The following BCAS3 variants were observed in gnomAD, a reference collection of about 807,000 sequenced individuals.
BCAS3 encodes BCAS3 microtubule associated cell migration factor, also known as BCAS4/BCAS3 fusion.
A neutral mutation model predicts 116.1 loss-of-function variants in BCAS3; 53 were observed. The observed-to-expected ratio is 0.46, with a 90% confidence interval of 0.37 to 0.57. The LOEUF is 0.57. Ranked by LOEUF, BCAS3 falls within the 20% of genes least tolerant of loss-of-function variation. The pLI is 0.00. For synonymous variants in BCAS3, 391 were observed against 408.2 expected (o/e 0.96, Z 0.51); for missense variants, 917 against 1,165.4 (o/e 0.79, Z 3.10).
chr17:60,837,652 C>CTT (rs371521233), intron 7 of BCAS3, among the ~76,000 whole-genome samples: 56 of 136,958 alleles, frequency 4.1e-4, no homozygotes, highest in Middle Eastern at 3.8e-3. Flanking sequence ...TTTCACAATA[C>CTT]TTTTTTTTTT....
chr17:61,371,850 C>T, intron 23 of BCAS3, among the ~76,000 whole-genome samples: 1 of 152,198 alleles, frequency 6.6e-6, no homozygotes, highest in Non-Finnish European at 1.5e-5. Context: ...GATCCCTGCG[C>T]ATGCTGAAGT....
intron 7 of BCAS3, among the ~76,000 whole-genome samples, chr17:60,866,868 TCC>T (rs1314489930): frequency 5.3e-5 from 8 of 152,152 alleles, no homozygotes; most frequent in Non-Finnish European, 4.4e-5. Context: ...TTTTATTGAT[TCC>T]CCCTTTGCTT....
At position 61,017,982 on chromosome 17, in the gene BCAS3, G is replaced by A. The variant is rs552270307; in HGVS notation, c.1637+2081G>A. ...ATTTTTGGAGCATGTATTCTGTTGC[G>A]TTATGAACAATTTATTAATAAGGGA... On this transcript the variant is annotated intron_variant, in intron 16 of 23. Transcript: ENST00000407086. The surrounding 1 kb of genome is among the most constrained non-coding windows in gnomAD (Gnocchi z 4.7). Among the ~76,000 whole-genome samples the A allele has an allele frequency of 7.2e-5, 11 of 152,180 alleles. No homozygotes were observed. The highest frequency in any genetic ancestry group is 3.4e-3 in the Middle Eastern group (1 of 294).
chr17:60,977,624 G>T (rs1268062461), intron 14 of BCAS3, among the ~76,000 whole-genome samples: 2 of 151,316 alleles, frequency 1.3e-5, no homozygotes, highest in Non-Finnish European at 2.9e-5. Context: ...CTAGCATTAG[G>T]TATATCTCCC....
chr17:60,868,596 G>T lies in BCAS3; in HGVS notation c.497G>T (p.Cys166Phe). 6.3e-7 allele frequency: 1 copy of T among 1,586,720 alleles called. No homozygotes were observed. Among genetic ancestry groups the T allele is most frequent in the Non-Finnish European group, 8.5e-7 (1 of 1,170,924 alleles). Reference protein sequence around the residue: ...GSSGTSPPYCCVDLYSLRTGE... With the variant: ...GSSGTSPPYCFVDLYSLRTGE... The stretch of plus-strand genomic sequence containing the variant: ...TTTAGCACAAGCCCACCGTACTGTT[G>T]TGTGGATCTGTATTCACTTCGTACT... The change falls in exon 8 of 24, where the codon TGT becomes TTT. Residue 166 changes from cysteine (C) to phenylalanine (F), a missense_variant. Physicochemically the swap from Cys to Phe is radical, Grantham distance 205. Transcript: ENST00000407086.
rs1381738280 is a variant in BCAS3 at position 61,028,697 on chromosome 17, G to A, written c.1638-5969G>A. Among the ~76,000 whole-genome samples, 3 of 151,802 alleles carry A rather than the reference G, an allele frequency of 2.0e-5. No homozygotes were observed. The highest frequency in any genetic ancestry group is 4.4e-5 in the Non-Finnish European group (3 of 67,790). ...CACTTGTCAACCAGAAATGATTTGA[G>A]GTTGAAACAAGATTAAAAGAGCCAG... On this transcript the variant is annotated intron_variant, in intron 16 of 23. Transcript: ENST00000407086. This position sits in a 1 kb window ranked among gnomAD's most constrained non-coding sequence, Gnocchi z 4.3.
At chr17:61,000,768 A>G (rs970597947) in intron 15 of BCAS3, among the ~76,000 whole-genome samples, 1 of 152,194 alleles carries the variant, frequency 6.6e-6, no homozygotes, top group Non-Finnish European at 1.5e-5. Flanking sequence ...ACTAGGCTCA[A>G]TGTTGATAAG....
intron 22 of BCAS3, among the ~76,000 whole-genome samples, chr17:61,340,597 G>T (rs185284069): frequency 3.9e-5 from 6 of 152,308 alleles, no homozygotes; most frequent in Admixed American, 3.9e-4. Context: ...TTAGCATGGT[G>T]TGCTTTCCTC....
At chr17:60,857,762 G>GTGAA (rs1191920443) in intron 7 of BCAS3, among the ~76,000 whole-genome samples, 1 of 152,170 alleles carries the variant, frequency 6.6e-6, no homozygotes, top group Non-Finnish European at 1.5e-5. Flanking sequence ...TGACTCCTTT[G>GTGAA]TGAATGTGTG....
At chr17:60,846,670 C>A (rs185515465) in intron 7 of BCAS3, among the ~76,000 whole-genome samples, 81 of 151,844 alleles carry the variant, frequency 5.3e-4, no homozygotes, top group African/African-American at 1.9e-3. Context: ...TGTATTGACC[C>A]TTCTATCTTT....
At position 61,021,344 on chromosome 17, in the gene BCAS3, G is replaced by A. The variant is rs1262900243; in HGVS notation, c.1637+5443G>A. 6.6e-6 allele frequency among the ~76,000 whole-genome samples: 1 copy of A among 152,168 alleles called. No individual in the cohort carries two copies. The highest frequency in any genetic ancestry group is 1.5e-5 in the Non-Finnish European group (1 of 68,024). On this transcript the variant is annotated intron_variant, in intron 16 of 23. Transcript: ENST00000407086. The surrounding 1 kb of genome is among the most constrained non-coding windows in gnomAD (Gnocchi z 4.6). ...CAAAGTGCTGGGATTATAGGCATGA[G>A]CAACCGCACCCGGCCATGTTTATTC...
intron 22 of BCAS3, among the ~76,000 whole-genome samples, chr17:61,125,702 T>C (rs1221579909): frequency 1.3e-5 from 2 of 152,182 alleles, no homozygotes; most frequent in Non-Finnish European, 2.9e-5. Context: ...ATTCCCAAGA[T>C]GGGAATGTAT....
At chr17:60,891,461 C>T (rs1013206367) in intron 10 of BCAS3, among the ~76,000 whole-genome samples, 2 of 152,168 alleles carry the variant, frequency 1.3e-5, no homozygotes, top group Non-Finnish European at 2.9e-5. Context: ...AGTCAAATGT[C>T]GTGCTTTCAT....
At position 61,285,874 on chromosome 17, in the gene BCAS3, T is replaced by C. The variant is rs62069622; in HGVS notation, c.2426-82453T>C. On this transcript the variant is annotated intron_variant, in intron 22 of 23. Coordinates refer to ENST00000407086, the MANE Select transcript of BCAS3 (RefSeq NM_017679.5). The surrounding 1 kb of genome is among the most constrained non-coding windows in gnomAD (Gnocchi z 5.4). ...ACTTTAGGCGAATCAGCTTTAGTCC[T>C]CTAAATTCTAAAGCTCTACCAATTT... Among the ~76,000 whole-genome samples the C allele has an allele frequency of 0.027, 4,183 of 152,290 alleles. 81 individuals carry two copies. Among genetic ancestry groups the C allele is most frequent in the Non-Finnish European group, 0.041 (2,813 of 68,026 alleles).
At chr17:61,115,984 C>G (rs949827096) in intron 22 of BCAS3, among the ~76,000 whole-genome samples, 1 of 150,108 alleles carries the variant, frequency 6.7e-6, no homozygotes, top group Non-Finnish European at 1.5e-5. Flanking sequence ...AGTAAACTAT[C>G]GCAAGAACAA....
intron 22 of BCAS3, among the ~76,000 whole-genome samples, chr17:61,295,903 C>G (rs1602486808): frequency 6.8e-6 from 1 of 146,102 alleles, no homozygotes; most frequent in African/African-American, 2.5e-5. Context: ...TGCAGTGAGC[C>G]AAGATTGTGC....
intron 22 of BCAS3, among the ~76,000 whole-genome samples, chr17:61,294,306 T>C (rs942688476): frequency 3.9e-5 from 6 of 152,194 alleles, no homozygotes; most frequent in Admixed American, 6.5e-5. Flanking sequence ...ATGTCCCTAC[T>C]CACGGGTCCT....
rs944064357 is a variant in BCAS3 at position 61,368,861 on chromosome 17, G to T, written c.2593+367G>T. ...AGACACGCTGGAGACTTAGAGATTG[G>T]CAAGTCTCAGTAGGGCCTGCCAACC... is the stretch of plus-strand genomic sequence containing the variant. On this transcript the variant is annotated intron_variant, in intron 23 of 23. Coordinates refer to ENST00000407086, the MANE Select transcript of BCAS3 (RefSeq NM_017679.5). This position sits in a 1 kb window ranked among gnomAD's most constrained non-coding sequence, Gnocchi z 6.0. 8.5e-5 allele frequency among the ~76,000 whole-genome samples: 13 copies of T among 152,212 alleles called. No individual in the cohort carries two copies. The highest frequency in any genetic ancestry group is 3.1e-4 in the African/African-American group (13 of 41,462).
intron 22 of BCAS3, among the ~76,000 whole-genome samples, chr17:61,164,010 C>A (rs985878966): frequency 2.1e-3 from 202 of 94,958 alleles, no homozygotes; most frequent in African/African-American, 7.0e-3. Context: ...AAAAAAAAAA[C>A]CAAAAAAAAA....
Sources: gnomAD v4.1 joint callset for allele counts (sites outside exome capture counted in the v4.1 genomes callset) on GRCh38, gnomAD v4.1.1 for gene constraint, Gnocchi (gnomAD v3.1) non-coding constraint, MANE v1.5 for transcripts, NCBI Gene and HGNC (gene_info 2026-07-23, HGNC 2026-07-21) for gene names.